The following WDR89 variants were observed in gnomAD, a reference collection of about 807,000 sequenced individuals.
The protein encoded by WDR89 is WD repeat-containing protein 89.
A neutral mutation model predicts 29.1 loss-of-function variants in WDR89; 17 were observed. That is an observed-to-expected ratio of 0.58 (90% CI 0.40 to 0.88). The LOEUF is 0.88. Ranked by LOEUF, WDR89 falls within the 40% of genes least tolerant of loss-of-function variation. WDR89 has a pLI of 0.00. For synonymous variants in WDR89, 138 were observed against 157.8 expected (o/e 0.87, Z 0.94); for missense variants, 396 against 456.3 (o/e 0.87, Z 1.20).
In WDR89 at chr14:63,627,123, A is replaced by AACACAC. The variant is rs756971522; in HGVS notation, c.-137-2096_-137-2091dup. 8.3e-4 allele frequency among the ~76,000 whole-genome samples: 102 copies of AACACAC among 122,882 alleles called. 1 individual carries two copies. The highest frequency in any genetic ancestry group is 2.6e-3 in the African/African-American group (89 of 33,842). The allele number at this position is 122,882 out of a possible 152,430, so 80.6% of individuals were successfully genotyped here. Reference sequence around the variant, plus strand: ...GTGACAGAATAAGACTTTGTCTCTAAACACACACACACACACACACACACA... The same window carrying AACACAC: ...GTGACAGAATAAGACTTTGTCTCTAAACACACACACACACACACACACACACACACA... On this transcript the variant is annotated intron_variant, in intron 1 of 2. Transcript: ENST00000620954.
At chr14:63,610,327 G>A (rs1406640056) in intron 2 of WDR89, among the ~76,000 whole-genome samples, 3 of 151,536 alleles carry the variant, frequency 2.0e-5, no homozygotes, top group African/African-American at 7.3e-5. Context: ...AATAAATGAG[G>A]GAGAAGGAAC....
At chr14:63,617,619 G>C (rs2139530098) in intron 2 of WDR89, among the ~76,000 whole-genome samples, 1 of 152,146 alleles carries the variant, frequency 6.6e-6, no homozygotes, top group African/African-American at 2.4e-5. Context: ...CAAACTGCTG[G>C]AGTTACAGGC....
chr14:63,637,374 A>C (rs562892100), intron 1 of WDR89, among the ~76,000 whole-genome samples: 48 of 152,318 alleles, frequency 3.2e-4, no homozygotes, highest in African/African-American at 1.2e-3. Context: ...AAGAATTAAA[A>C]AGCAGAACTA....
chr14:63,600,473 G>C (rs1895008670), intron 2 of WDR89, among the ~76,000 whole-genome samples: 1 of 151,638 alleles, frequency 6.6e-6, no homozygotes. Flanking sequence ...ACAGCCTGGG[G>C]AATAAAGTGA....
chr14:63,619,193 C>T lies in WDR89; in HGVS notation c.-32+5735G>A, dbSNP rs567746331. On this transcript the variant is annotated intron_variant, in intron 2 of 2. Coordinates refer to ENST00000620954, the MANE Select transcript of WDR89 (RefSeq NM_080666.4). ...GAGTGGAGCAGCAACAAGGAGAAAA[C>T]TCTCCAGCATCCCAGGCCTGACGCT... 1.2e-3 allele frequency among the ~76,000 whole-genome samples: 183 copies of T among 152,302 alleles called. 1 individual carries two copies. Among genetic ancestry groups the T allele is most frequent in the African/African-American group, 4.3e-3 (178 of 41,562 alleles).
intron 2 of WDR89, among the ~76,000 whole-genome samples, chr14:63,604,110 C>A (rs1895203798): frequency 1.3e-5 from 2 of 152,200 alleles, no homozygotes; most frequent in Non-Finnish European, 2.9e-5. Flanking sequence ...CACATCCTTA[C>A]CCTGTTTCAC....
chr14:63,618,218 A>C (rs955740002), intron 2 of WDR89: 2 of 152,214 alleles, frequency 1.3e-5, no homozygotes. Context: ...ACAATGGCAC[A>C]ATCTTGCCTC....
intron 1 of WDR89, among the ~76,000 whole-genome samples, chr14:63,628,895 A>C (rs531193268): frequency 3.3e-5 from 5 of 151,850 alleles, no homozygotes; most frequent in African/African-American, 9.7e-5. Flanking sequence ...GTCTGGGGGC[A>C]CCTATACTCC....
chr14:63,603,290 C>T (rs1895165515), intron 2 of WDR89, among the ~76,000 whole-genome samples: 1 of 152,046 alleles, frequency 6.6e-6, no homozygotes, highest in Non-Finnish European at 1.5e-5. Context: ...ACACACCCCA[C>T]TGCTTTTTAA....
chr14:63,626,433 G>A (rs1883053138), intron 1 of WDR89, among the ~76,000 whole-genome samples: 1 of 151,858 alleles, frequency 6.6e-6, no homozygotes, highest in African/African-American at 2.4e-5. Context: ...CGCTTTGGGA[G>A]GCCAAGGTGG....
Position 63,599,274 on chromosome 14 carries a change from AC to A in WDR89, c.668del (p.Gly223ValfsTer13). The A allele has an allele frequency of 6.2e-7, 1 of 1,613,358 alleles. No individual in the cohort carries two copies. Among genetic ancestry groups the A allele is most frequent in the Non-Finnish European group, 8.5e-7 (1 of 1,179,578 alleles). On this transcript the variant is annotated frameshift_variant, in exon 3 of 3. Coordinates refer to ENST00000620954, the MANE Select transcript of WDR89 (RefSeq NM_080666.4). LOFTEE classifies it high-confidence loss of function. The part of the protein sequence containing the change: ...CNSISSVSCI[G>X]WSGKGYKQIY... ...TCTGTTTATAACCTTTCCCAGACCAACCAATACAGCTTACTGATGAAATTGA... is the reference window on the plus strand; with the variant it reads ...TCTGTTTATAACCTTTCCCAGACCAACAATACAGCTTACTGATGAAATTGA...
At chr14:63,611,293 G>A (rs563045365) in intron 2 of WDR89, among the ~76,000 whole-genome samples, 67 of 134,248 alleles carry the variant, frequency 5.0e-4, no homozygotes, top group East Asian at 4.7e-4. Context: ...ACAAGATTGC[G>A]TCACTGCACT....
intron 1 of WDR89, among the ~76,000 whole-genome samples, chr14:63,631,781 G>T (rs1371127786): frequency 6.6e-6 from 1 of 152,144 alleles, no homozygotes; most frequent in African/African-American, 2.4e-5. Flanking sequence ...AATCCAGGCT[G>T]ATTCTTGCAT....
intron 2 of WDR89, among the ~76,000 whole-genome samples, chr14:63,612,121 A>G (rs1882026617): frequency 6.6e-6 from 1 of 152,076 alleles, no homozygotes; most frequent in South Asian, 2.1e-4. Flanking sequence ...AATGCTGAAA[A>G]GCCCTTCGGT....
At chr14:63,631,295 C>T (rs970135510) in intron 1 of WDR89, among the ~76,000 whole-genome samples, 3 of 152,062 alleles carry the variant, frequency 2.0e-5, no homozygotes, top group Non-Finnish European at 1.5e-5. Context: ...AGAAAAAAGG[C>T]GAATTTGAGA....
At position 63,599,881 on chromosome 14, in the gene WDR89, T is replaced by C. The variant is rs1247642766; in HGVS notation, c.62A>G (p.Lys21Arg). The C allele has an allele frequency of 7.4e-6, 12 of 1,613,892 alleles. 1 individual carries two copies. Among genetic ancestry groups the C allele is most frequent in the Non-Finnish European group, 8.5e-6 (10 of 1,179,906 alleles). ...LHIVKCSLGTKEPTYLLGIDT... is the reference protein window; with the variant it reads ...LHIVKCSLGTREPTYLLGIDT... The stretch of plus-strand genomic sequence containing the variant: ...TATACCAAGAAGGTAAGTGGGCTCT[T>C]TGGTTCCTAAGGAACATTTAACAAT... Residue 21 changes from lysine (K) to arginine (R), a missense_variant, in exon 3 of 3, where the codon AAA (lysine) becomes AGA (arginine). By Grantham distance (26) the Lys-to-Arg change is conservative. Coordinates refer to ENST00000620954, the MANE Select transcript of WDR89 (RefSeq NM_080666.4).
intron 2 of WDR89, among the ~76,000 whole-genome samples, chr14:63,620,641 T>G (rs534900508): frequency 6.6e-6 from 1 of 151,842 alleles, no homozygotes; most frequent in Non-Finnish European, 1.5e-5. Flanking sequence ...TCTCAACACT[T>G]TGGGAGGCCA....
At position 63,608,011 on chromosome 14, in the gene WDR89, G is replaced by T. The variant is rs544294547; in HGVS notation, c.-31-8038C>A. Among the ~76,000 whole-genome samples the T allele has an allele frequency of 1.1e-4, 17 of 152,122 alleles. No individual in the cohort carries two copies. The South Asian group carries it at 2.5e-3, about 22-fold the overall frequency. ...TCACGAGGTCAGGAGTTTGAGACCAGCCTGGCCAACATGGTGAAACCCCAT... is the reference window on the plus strand; with the variant it reads ...TCACGAGGTCAGGAGTTTGAGACCATCCTGGCCAACATGGTGAAACCCCAT... On this transcript the variant is annotated intron_variant, in intron 2 of 2. Coordinates refer to ENST00000620954, the MANE Select transcript of WDR89 (RefSeq NM_080666.4).
chr14:63,629,006 T>G (rs984603604), intron 1 of WDR89, among the ~76,000 whole-genome samples: 1 of 152,154 alleles, frequency 6.6e-6, no homozygotes, highest in Non-Finnish European at 1.5e-5. Context: ...CTCTTATTAG[T>G]CAAAGTTTGA....
Sources: gnomAD v4.1 joint callset for allele counts (sites outside exome capture counted in the v4.1 genomes callset) on GRCh38, gnomAD v4.1.1 for gene constraint, MANE v1.5 for transcripts, NCBI Gene and HGNC (gene_info 2026-07-23, HGNC 2026-07-21) for gene names.